The following PCDHGB1 variants were observed in gnomAD, a reference collection of about 807,000 sequenced individuals.
The protein encoded by PCDHGB1 is protocadherin gamma-B1.
A neutral mutation model predicts 56.6 loss-of-function variants in PCDHGB1; 34 were observed. The observed-to-expected ratio is 0.60, with a 90% CI of 0.46 to 0.80. PCDHGB1 has a LOEUF of 0.80. Ranked by LOEUF, PCDHGB1 falls within the 30% of genes least tolerant of loss-of-function variation. The pLI is 0.00. For missense variants in PCDHGB1, 1,278 were observed against 1,204.6 expected, an observed-to-expected ratio of 1.06 and a Z score of -0.90; for synonymous variants, 561 against 505.9, an observed-to-expected ratio of 1.11 and a Z score of -1.46.
chr5:141,387,998 C>A, intron 1 of PCDHGB1: 1 of 1,485,206 alleles, frequency 6.7e-7, no homozygotes, highest in South Asian at 1.3e-5. Flanking sequence ...ACAGGATTCC[C>A]GAGGAAATGC....
chr5:141,361,793 G>A, intron 1 of PCDHGB1: 1 of 1,613,244 alleles, frequency 6.2e-7, no homozygotes, highest in Non-Finnish European at 8.5e-7. Context: ...GTGTTAGTGG[G>A]CGACCTCAAT....
intron 1 of PCDHGB1, among the ~76,000 whole-genome samples, chr5:141,462,819 A>G (rs1182498111): frequency 6.6e-6 from 1 of 152,210 alleles, no homozygotes; most frequent in East Asian, 1.9e-4. Context: ...TTTATTGGAC[A>G]GCAGACATTG....
chr5:141,473,245 C>T (rs2099317733), intron 1 of PCDHGB1, among the ~76,000 whole-genome samples: 1 of 152,134 alleles, frequency 6.6e-6, no homozygotes, highest in African/African-American at 2.4e-5. Context: ...CAAGTGAATA[C>T]ATATATAGTC....
Position 141,410,620 on chromosome 5 carries a change from G to A in PCDHGB1, c.2409+57951G>A, listed in dbSNP as rs765125633. 4 of 1,603,524 alleles carry A rather than the reference G, an allele frequency of 2.5e-6. No homozygotes were observed. In the South Asian group the frequency reaches 3.3e-5, roughly 13 times the overall value. On this transcript the variant is annotated intron_variant, in intron 1 of 3. Coordinates refer to ENST00000523390, the MANE Select transcript of PCDHGB1 (RefSeq NM_018922.3). The stretch of plus-strand genomic sequence containing the variant: ...CTTCACATCCTGAGACTCTGACTTC[G>A]GTGAGTTTCTCTTTTTTGTGTGTGA...
chr5:141,510,804 T>C (rs965530116), intron 3 of PCDHGB1, 143 bp from the exon 4 acceptor site: 2 of 1,504,768 alleles, frequency 1.3e-6, no homozygotes, highest in Admixed American at 2.0e-5. Flanking sequence ...AGAGACTACC[T>C]TGGTGACCCC....
chr5:141,430,595 G>A (rs549786394), intron 1 of PCDHGB1: 28 of 567,134 alleles, frequency 4.9e-5, no homozygotes, highest in African/African-American at 3.8e-4. Flanking sequence ...CCTTGCACGC[G>A]CCTGAAGCAC....
At chr5:141,418,435 A>G (rs1237542659) in intron 1 of PCDHGB1, 1 of 1,614,038 alleles carries the variant, frequency 6.2e-7, no homozygotes, top group South Asian at 1.1e-5. Context: ...GCAAATATCC[A>G]GAATTAGTAT....
chr5:141,365,759 C>G (rs376978243), intron 1 of PCDHGB1: 16 of 1,613,742 alleles, frequency 9.9e-6, no homozygotes, highest in Non-Finnish European at 1.2e-5. Flanking sequence ...TGTGACAGCC[C>G]ATGACCCCGA....
At chr5:141,430,179 A>G (rs2097264770) in intron 1 of PCDHGB1, among the ~76,000 whole-genome samples, 1 of 152,158 alleles carries the variant, frequency 6.6e-6, no homozygotes, top group Admixed American at 6.5e-5. Flanking sequence ...ATTTTCCCCA[A>G]ATTATAGCTG....
intron 1 of PCDHGB1, chr5:141,394,082 G>C: frequency 6.2e-7 from 1 of 1,613,830 alleles, no homozygotes; most frequent in Non-Finnish European, 8.5e-7. Flanking sequence ...TCACAGTGAT[G>C]GCCTCAGATC....
At chr5:141,430,925 C>G (rs1313621122) in intron 1 of PCDHGB1, 2 of 1,607,162 alleles carry the variant, frequency 1.2e-6, no homozygotes, top group Non-Finnish European at 8.5e-7. Context: ...GGGGCTGGAG[C>G]CCCGGGAGCT....
intron 1 of PCDHGB1, chr5:141,370,125 T>C (rs921513468): frequency 5.8e-5 from 23 of 394,142 alleles, no homozygotes; most frequent in Non-Finnish European, 9.4e-5. Context: ...GCTCCTTATT[T>C]GGAGCTGATT....
At chr5:141,374,700 C>T in intron 1 of PCDHGB1, 1 of 1,608,752 alleles carries the variant, frequency 6.2e-7, no homozygotes, top group Non-Finnish European at 8.5e-7. Context: ...GAAGGAGAAG[C>T]CGTTTACCGC....
intron 1 of PCDHGB1, among the ~76,000 whole-genome samples, chr5:141,437,364 T>C (rs1026384836): frequency 6.6e-6 from 1 of 152,232 alleles, no homozygotes; most frequent in African/African-American, 2.4e-5. Flanking sequence ...AAAATTGGAA[T>C]GTAATCAGTC....
chr5:141,421,468 C>A (rs759548375), intron 1 of PCDHGB1: 9 of 1,614,096 alleles, frequency 5.6e-6, no homozygotes, highest in Non-Finnish European at 5.9e-6. Flanking sequence ...TGTGAATCCG[C>A]GAAGCGGCAG....
intron 1 of PCDHGB1, chr5:141,370,818 ATCAGCGAACTGGCTC>A (rs758994219): frequency 6.2e-7 from 1 of 1,614,074 alleles, no homozygotes; most frequent in South Asian, 1.1e-5. Flanking sequence ...TGAGCTGGAA[ATCAGCGAACTGGCTC>A]TCACTGGAGC....
chr5:141,374,494 A>G (rs1307461844), intron 1 of PCDHGB1: 12 of 1,611,426 alleles, frequency 7.4e-6, no homozygotes, highest in Non-Finnish European at 9.3e-6. Context: ...TAAAGGAAGA[A>G]TTGGAAGTGA....
chr5:141,432,528 A>T lies in PCDHGB1; in HGVS notation c.2410-62279A>T. The T allele has an allele frequency of 1.2e-6, 2 of 1,613,804 alleles. No homozygotes were observed. The highest frequency in any genetic ancestry group is 1.7e-6 in the Non-Finnish European group (2 of 1,180,000). ...GCAGAGCCCGGCTACCTGGTGACCA[A>T]GGTGGTGGCGGTGGACAGAGACTCC... is the stretch of plus-strand genomic sequence containing the variant. On this transcript the variant is annotated intron_variant, in intron 1 of 3. Transcript: ENST00000523390. This position sits in a 1 kb window ranked among gnomAD's most constrained non-coding sequence, Gnocchi z 6.0.
At chr5:141,475,491 C>T (rs1321482409) in intron 1 of PCDHGB1, among the ~76,000 whole-genome samples, 2 of 152,202 alleles carry the variant, frequency 1.3e-5, no homozygotes, top group African/African-American at 4.8e-5. Flanking sequence ...AGAGATAAAA[C>T]TGAAATTATT....
Sources: allele counts gnomAD v4.1 joint callset (sites outside exome capture counted in the v4.1 genomes callset), GRCh38; gene constraint gnomAD v4.1.1; non-coding constraint Gnocchi (gnomAD v3.1); transcripts MANE v1.5; gene names NCBI Gene and HGNC (gene_info 2026-07-23, HGNC 2026-07-21).